AGBL1: variants seen among roughly 807,000 people sequenced by gnomAD.
AGBL1 encodes the protein cytosolic carboxypeptidase 4.
Under a neutral mutation model 118.9 loss-of-function variants are expected in AGBL1, and 130 were observed. The observed-to-expected ratio is 1.09, with a 90% CI of 0.95 to 1.26. The LOEUF is 1.26. AGBL1 is among the 50% of genes most tolerant of loss of function. AGBL1 has a pLI of 0.00. For missense variants in AGBL1, 1,584 were observed against 1,298.1 expected (o/e 1.22, Z -3.38); for synonymous variants, 555 against 478.9 (o/e 1.16, Z -2.08).
chr15:86,606,752 C>T (rs1255363110), intron 21 of AGBL1, among the ~76,000 whole-genome samples: 1 of 152,106 alleles, frequency 6.6e-6, no homozygotes, highest in Non-Finnish European at 1.5e-5. Flanking sequence ...TCCCAGCTTC[C>T]CCTATTATTA....
chr15:86,782,059 T>G (rs1343338575), intron 22 of AGBL1, among the ~76,000 whole-genome samples: 3 of 152,104 alleles, frequency 2.0e-5, no homozygotes, highest in Non-Finnish European at 2.9e-5. Flanking sequence ...ACAAAAATTG[T>G]GACTCAAAAG....
intron 21 of AGBL1, among the ~76,000 whole-genome samples, chr15:86,586,368 T>A (rs1047014640): frequency 6.6e-6 from 1 of 152,204 alleles, no homozygotes; most frequent in African/African-American, 2.4e-5. Flanking sequence ...GAACTTACTA[T>A]GTGTTCTTAT....
chr15:86,516,586 G>A (rs1043198570), intron 18 of AGBL1, among the ~76,000 whole-genome samples: 3 of 152,164 alleles, frequency 2.0e-5, no homozygotes, highest in African/African-American at 7.2e-5. Flanking sequence ...GATCACCTGA[G>A]GTCAGGAGTT....
intron 17 of AGBL1, among the ~76,000 whole-genome samples, chr15:86,336,484 C>T (rs1435339278): frequency 6.6e-6 from 1 of 152,190 alleles, no homozygotes; most frequent in Non-Finnish European, 1.5e-5. Flanking sequence ...ATAATCTTCC[C>T]TACTTCTTGG....
intron 1 of AGBL1, chr15:86,110,040 C>G (rs2141535026): frequency 6.6e-6 from 1 of 152,304 alleles, no homozygotes; most frequent in Middle Eastern, 3.4e-3. Context: ...GCTAGTGGTA[C>G]AAAATCATAT....
chr15:86,314,353 T>G (rs1160674426), intron 17 of AGBL1, among the ~76,000 whole-genome samples: 1 of 152,156 alleles, frequency 6.6e-6, no homozygotes, highest in South Asian at 2.1e-4. Context: ...TCCTTTAGAG[T>G]GCCAGCCTGG....
chr15:86,161,769 C>A (rs2077269572), intron 5 of AGBL1, among the ~76,000 whole-genome samples: 1 of 152,164 alleles, frequency 6.6e-6, no homozygotes, highest in Admixed American at 6.5e-5. Flanking sequence ...TATCCTTACT[C>A]ATCAACAGCA....
intron 22 of AGBL1, among the ~76,000 whole-genome samples, chr15:86,817,330 G>C (rs192804705): frequency 6.6e-6 from 1 of 151,030 alleles, no homozygotes; most frequent in Admixed American, 6.6e-5. Context: ...TTAAGGCATG[G>C]GCCAAGCCTT....
intron 22 of AGBL1, among the ~76,000 whole-genome samples, chr15:86,883,453 T>G (rs755364350): frequency 6.6e-6 from 1 of 152,204 alleles, no homozygotes; most frequent in Non-Finnish European, 1.5e-5. Flanking sequence ...CCCTGTAGTG[T>G]CCATTCTTTG....
chr15:86,368,010 G>T (rs1206504401), intron 17 of AGBL1, among the ~76,000 whole-genome samples: 4 of 152,114 alleles, frequency 2.6e-5, no homozygotes, highest in African/African-American at 9.7e-5. Flanking sequence ...TGATGTCAGA[G>T]TCTGGAGCTG....
intron 22 of AGBL1, among the ~76,000 whole-genome samples, chr15:86,829,610 C>T (rs973489839): frequency 6.6e-6 from 1 of 152,016 alleles, no homozygotes; most frequent in Admixed American, 6.6e-5. Context: ...GAAAAGTAAT[C>T]TGAGATAAGG....
intron 23 of AGBL1, among the ~76,000 whole-genome samples, chr15:86,975,661 G>A (rs72757467): frequency 0.04 from 6,100 of 152,266 alleles, 154 homozygotes; most frequent in Middle Eastern, 0.068. Context: ...TCCTGACACA[G>A]TGGACTTTTG....
chr15:86,138,354 A>C (rs1402004719), intron 1 of AGBL1: 1 of 152,226 alleles, frequency 6.6e-6, no homozygotes, highest in Non-Finnish European at 1.5e-5. Context: ...GTTTCTCAAG[A>C]GTTATCATTC....
intron 24 of AGBL1, among the ~76,000 whole-genome samples, chr15:87,001,804 T>A (rs2081441094): frequency 6.6e-6 from 1 of 152,126 alleles, no homozygotes; most frequent in African/African-American, 2.4e-5. Context: ...GTTCATATCC[T>A]TGGCCCACTT....
At chr15:86,665,890 T>C (rs11073654) in intron 21 of AGBL1, among the ~76,000 whole-genome samples, 63,163 of 151,922 alleles carry the variant, frequency 0.42, 13,541 homozygotes, top group East Asian at 0.7. Flanking sequence ...TACAAACTTA[T>C]TTACCCCAAG....
intron 1 of AGBL1, among the ~76,000 whole-genome samples, chr15:86,100,558 C>T (rs1896653152): frequency 6.6e-6 from 1 of 151,810 alleles, no homozygotes; most frequent in Non-Finnish European, 1.5e-5. Context: ...TTGGTCTATT[C>T]AGGTCTTCTA....
chr15:86,481,493 A>T (rs189408876), intron 18 of AGBL1, among the ~76,000 whole-genome samples: 1 of 152,186 alleles, frequency 6.6e-6, no homozygotes, highest in East Asian at 1.9e-4. Flanking sequence ...ATCCTAAGAC[A>T]TGTTGAGCTT....
intron 6 of AGBL1, among the ~76,000 whole-genome samples, chr15:86,231,269 G>A (rs549677779): frequency 1.3e-5 from 2 of 152,190 alleles, no homozygotes; most frequent in Non-Finnish European, 2.9e-5. Flanking sequence ...ATACATTAAT[G>A]TTGACTAAGA....
Position 86,377,867 on chromosome 15 carries a change from A to G in AGBL1, c.2375-19499A>G, listed in dbSNP as rs530188630. On this transcript the variant is annotated intron_variant, in intron 17 of 22. Coordinates refer to ENST00000614907, the MANE Select transcript of AGBL1 (RefSeq NM_001386094.1). ...GATAACGTGAGCAGGTATTATTCGTATGATTGCCTGAAGATAAAAACTCAT... is the reference window on the plus strand; with the variant it reads ...GATAACGTGAGCAGGTATTATTCGTGTGATTGCCTGAAGATAAAAACTCAT... 4.9e-4 allele frequency among the ~76,000 whole-genome samples: 74 copies of G among 152,260 alleles called. 1 individual carries two copies. The highest frequency in any genetic ancestry group is 1.8e-3 in the African/African-American group (73 of 41,536).
Sources: allele counts gnomAD v4.1 joint callset (sites outside exome capture counted in the v4.1 genomes callset), GRCh38; gene constraint gnomAD v4.1.1; transcripts MANE v1.5; gene names NCBI Gene and HGNC (gene_info 2026-07-23, HGNC 2026-07-21).